TET3: variants seen among roughly 807,000 people sequenced by gnomAD.
TET3 encodes the protein tet methylcytosine dioxygenase 3, also known as methylcytosine dioxygenase TET3.
In TET3, 19 loss-of-function variants were observed where a neutral mutation model predicts 141.4. That is an observed-to-expected ratio of 0.13 (90% CI 0.09 to 0.20). TET3 has a LOEUF of 0.20. TET3 is among the 10% of genes least tolerant of loss of function. The pLI, the probability that TET3 is intolerant of heterozygous loss-of-function variation, is 1.00. For synonymous variants in TET3, 1,043 were observed against 980.9 expected (o/e 1.06, Z -1.18); for missense variants, 1,874 against 2,356.9 (o/e 0.80, Z 4.24).
At chr2:74,029,187 C>T (rs920006725) in intron 3 of TET3, among the ~76,000 whole-genome samples, 1 of 152,192 alleles carries the variant, frequency 6.6e-6, no homozygotes, top group African/African-American at 2.4e-5. Context: ...AGCCCTTGTA[C>T]TAATGTGAGT....
intron 4 of TET3, among the ~76,000 whole-genome samples, chr2:74,072,924 CTT>C (rs1573855042): frequency 6.6e-6 from 1 of 152,202 alleles, no homozygotes; most frequent in East Asian, 1.9e-4. Context: ...TGTATCAAAA[CTT>C]CATTCCTTTT....
intron 3 of TET3, among the ~76,000 whole-genome samples, chr2:74,035,681 C>T (rs540760332): frequency 1.1e-4 from 16 of 152,052 alleles, no homozygotes; most frequent in African/African-American, 1.7e-4. Flanking sequence ...GAGCCGAGAT[C>T]GTGCCATTGC....
chr2:74,129,478 C>A, the TET3 span, among the ~76,000 whole-genome samples: 2 of 149,020 alleles, frequency 1.3e-5, no homozygotes, highest in Admixed American at 1.3e-4. Context: ...ACAAAAAACG[C>A]AAAAATTAGC....
chr2:74,065,020 C>T (rs1163711811), intron 4 of TET3, among the ~76,000 whole-genome samples: 1 of 152,184 alleles, frequency 6.6e-6, no homozygotes, highest in East Asian at 1.9e-4. Flanking sequence ...AAACATGCAA[C>T]TCATTTACTG....
Position 74,025,399 on chromosome 2 carries a change from C to CT in TET3, c.361-20878dup, listed in dbSNP as rs1355401609. Among the ~76,000 whole-genome samples, 5 of 151,128 alleles carry CT rather than the reference C, an allele frequency of 3.3e-5. No individual in the cohort carries two copies. The East Asian group carries it at 9.9e-4, about 30-fold the overall frequency. On this transcript the variant is annotated intron_variant, in intron 3 of 11. Transcript: ENST00000409262. ...TGCCTCCCGGCTTCACGCCATTCTCCTGCCTCAGCCTCCGAGTAGCTGGGA... is the reference window on the plus strand; with the variant it reads ...TGCCTCCCGGCTTCACGCCATTCTCCTTGCCTCAGCCTCCGAGTAGCTGGGA...
chr2:74,077,068 A>G (rs1689551618), intron 5 of TET3, among the ~76,000 whole-genome samples: 1 of 152,188 alleles, frequency 6.6e-6, no homozygotes, highest in African/African-American at 2.4e-5. Flanking sequence ...TCTGTCTGGG[A>G]AGGAGATTCT....
At chr2:73,984,100 G>A (rs1452032430), upstream of TET3, among the ~76,000 whole-genome samples, 1 of 152,240 alleles carries the variant, frequency 6.6e-6, no homozygotes, top group Non-Finnish European at 1.5e-5. The surrounding 1 kb of genome is among the most constrained non-coding windows in gnomAD (Gnocchi z 5.6). Flanking sequence ...CCGGGTTTTA[G>A]GGCTTAGTCG....
chr2:74,092,814 G>A (rs1458707357), intron 8 of TET3, 88 bp from the exon 9 acceptor site: 10 of 1,171,614 alleles, frequency 8.5e-6, no homozygotes, highest in Non-Finnish European at 1.1e-5. Flanking sequence ...CCTCCCCCAC[G>A]ATGCTTCAGG....
chr2:74,109,629 C>G (rs1691654375), downstream of TET3, among the ~76,000 whole-genome samples: 1 of 152,206 alleles, frequency 6.6e-6, no homozygotes, highest in Non-Finnish European at 1.5e-5. Context: ...AGAAGCGTTG[C>G]AGTAAATTCC....
downstream of TET3, among the ~76,000 whole-genome samples, chr2:74,113,035 A>C (rs1240949696): frequency 2.6e-4 from 39 of 147,542 alleles, no homozygotes; most frequent in East Asian, 1.2e-3. Flanking sequence ...AAAAAAAAAA[A>C]CCCACAGTTA....
chr2:74,042,591 G>A (rs945836089), intron 3 of TET3, among the ~76,000 whole-genome samples: 2 of 152,238 alleles, frequency 1.3e-5, no homozygotes, highest in African/African-American at 4.8e-5. Flanking sequence ...GTCAGCCACA[G>A]TATCTCCCCA....
In TET3 at chr2:73,992,401, C is replaced by A. The variant is rs1338266620; in HGVS notation, c.303+5695C>A. ...TGATCTTAGCTCACTGCAACTTCCACCTCCCCGGTTCAAGCGATTCTCCTG... is the reference window on the plus strand; with the variant it reads ...TGATCTTAGCTCACTGCAACTTCCAACTCCCCGGTTCAAGCGATTCTCCTG... On this transcript the variant is annotated intron_variant, in intron 2 of 11. Transcript: ENST00000409262. 4.6e-5 allele frequency among the ~76,000 whole-genome samples: 7 copies of A among 151,334 alleles called. No individual in the cohort carries two copies. In the East Asian group the frequency reaches 1.4e-3, roughly 29 times the overall value.
At chr2:74,032,956 TTC>T (rs1454693263) in intron 3 of TET3, among the ~76,000 whole-genome samples, 1 of 152,226 alleles carries the variant, frequency 6.6e-6, no homozygotes, top group East Asian at 1.9e-4. Flanking sequence ...TAGGCTTATC[TTC>T]ACCTTCCAGT....
At chr2:74,124,423 G>A in the TET3 span, among the ~76,000 whole-genome samples, 11 of 152,308 alleles carry the variant, frequency 7.2e-5, no homozygotes, top group South Asian at 4.1e-4. Flanking sequence ...CCGCCACCCC[G>A]TCTGGGAGGT....
intron 5 of TET3, among the ~76,000 whole-genome samples, chr2:74,075,255 GT>G (rs1422736599): frequency 2.0e-5 from 3 of 149,864 alleles, no homozygotes; most frequent in Admixed American, 2.0e-4. Context: ...TAAGTGGAAA[GT>G]TGTGTGGCTT....
chr2:74,110,808 C>G (rs1691686465), downstream of TET3, among the ~76,000 whole-genome samples: 1 of 152,168 alleles, frequency 6.6e-6, no homozygotes, highest in African/African-American at 2.4e-5. Context: ...GACTCTCACT[C>G]TCCATGTGCA....
At chr2:74,114,311 G>A in the TET3 span, among the ~76,000 whole-genome samples, 1 of 151,964 alleles carries the variant, frequency 6.6e-6, no homozygotes, top group South Asian at 2.1e-4. Context: ...CGGGGGGGAG[G>A]GCTGGAAGGA....
rs1687649346 is a variant in TET3 at position 74,046,817 on chromosome 2, G to A, written c.900G>A (p.Glu300=). The part of the protein sequence containing the change: ...IKSVVMEGGE[E]RPRLPGPLPP... ...CTGTGGTCATGGAAGGAGGGGAGGAGCGGCCCAGGCTCCCAGGGCCTCTGC... is the reference window on the plus strand; with the variant it reads ...CTGTGGTCATGGAAGGAGGGGAGGAACGGCCCAGGCTCCCAGGGCCTCTGC... The change falls in exon 4 of 12, where the codon GAG becomes GAA. Residue 300 remains glutamate (E), a synonymous_variant. Coordinates refer to ENST00000409262, the MANE Select transcript of TET3 (RefSeq NM_001287491.2). The surrounding 1 kb of genome is among the most constrained non-coding windows in gnomAD (Gnocchi z 4.3). 1.2e-6 allele frequency: 2 copies of A among 1,613,178 alleles called. No individual in the cohort carries two copies. Among genetic ancestry groups the A allele is most frequent in the Non-Finnish European group, 1.7e-6 (2 of 1,179,866 alleles).
chr2:74,016,712 A>G (rs1265498977), intron 3 of TET3, among the ~76,000 whole-genome samples: 1 of 150,060 alleles, frequency 6.7e-6, no homozygotes, highest in Non-Finnish European at 1.5e-5. Context: ...ACAGAGTGAG[A>G]CTCTGTCTCA....
Sources: gnomAD v4.1 joint callset for allele counts (sites outside exome capture counted in the v4.1 genomes callset) on GRCh38, gnomAD v4.1.1 for gene constraint, Gnocchi (gnomAD v3.1) non-coding constraint, MANE v1.5 for transcripts, NCBI Gene and HGNC (gene_info 2026-07-23, HGNC 2026-07-21) for gene names.